Variants in FAT3 observed in about 807,000 individuals in gnomAD.
FAT3 encodes protocadherin Fat 3.
A neutral mutation model predicts 310.2 loss-of-function variants in FAT3; 95 were observed. The observed-to-expected ratio is 0.31, with a 90% CI of 0.26 to 0.36. FAT3 has a LOEUF of 0.36. Among genes scored for constraint, FAT3 ranks in the 10% least tolerant of loss-of-function variants. The probability of loss-of-function intolerance (pLI) is 1.00; values close to 1 mark genes in which losing one functional copy is unlikely to be tolerated. For missense variants in FAT3, 5,408 were observed against 5,715.6 expected (o/e 0.95, Z 1.74); for synonymous variants, 2,314 against 2,192.9 (o/e 1.06, Z -1.54).
At chr11:92,332,458 G>A (rs1049511759) in intron 1 of FAT3, among the ~76,000 whole-genome samples, 1 of 152,166 alleles carries the variant, frequency 6.6e-6, no homozygotes, top group Non-Finnish European at 1.5e-5. Context: ...AACCAAGCTT[G>A]TCTAACCTGC....
chr11:92,460,635 A>G (rs1052306314), intron 2 of FAT3, among the ~76,000 whole-genome samples: 3 of 152,222 alleles, frequency 2.0e-5, no homozygotes, highest in Non-Finnish European at 2.9e-5. Context: ...AGAGCTTGCT[A>G]CCAGCACAAA....
intron 6 of FAT3, among the ~76,000 whole-genome samples, chr11:92,766,429 C>A (rs3847525): frequency 0.3 from 45,631 of 152,054 alleles, 7,202 homozygotes; most frequent in Non-Finnish European, 0.33. Flanking sequence ...GCCTCTCCCC[C>A]CCAGGAATGG....
intron 3 of FAT3, among the ~76,000 whole-genome samples, chr11:92,622,471 TAG>T (rs756602590): frequency 6.6e-6 from 1 of 152,186 alleles, no homozygotes; most frequent in Non-Finnish European, 1.5e-5. Context: ...TACAAGCAAA[TAG>T]AGAGACAGAG....
intron 1 of FAT3, among the ~76,000 whole-genome samples, chr11:92,299,564 T>C (rs1946937928): frequency 6.6e-6 from 1 of 152,090 alleles, no homozygotes; most frequent in Admixed American, 6.6e-5. Flanking sequence ...ATGAATTGAC[T>C]GATCCGATGT....
chr11:92,740,067 G>A (rs1486924442), intron 4 of FAT3, among the ~76,000 whole-genome samples: 9 of 152,084 alleles, frequency 5.9e-5, no homozygotes, highest in East Asian at 3.9e-4. Flanking sequence ...GTATGACTCC[G>A]GCCTGAATTA....
chr11:92,319,089 CAAT>C (rs1250187435), intron 1 of FAT3, among the ~76,000 whole-genome samples: 2 of 152,068 alleles, frequency 1.3e-5, no homozygotes, highest in Non-Finnish European at 2.9e-5. Flanking sequence ...ACAACAACAA[CAAT>C]AACAAAAAGC....
At chr11:92,564,708 A>G (rs1771512175) in intron 3 of FAT3, among the ~76,000 whole-genome samples, 1 of 151,980 alleles carries the variant, frequency 6.6e-6, no homozygotes, top group Admixed American at 6.6e-5. Context: ...AGTGCAATCA[A>G]ACTAGAACTC....
At chr11:92,678,923 C>A (rs1468797169) in intron 3 of FAT3, among the ~76,000 whole-genome samples, 2 of 152,098 alleles carry the variant, frequency 1.3e-5, no homozygotes, top group Non-Finnish European at 2.9e-5. Context: ...TACATTGTAT[C>A]CATTAACTAA....
At chr11:92,718,407 G>A (rs937501501) in intron 4 of FAT3, among the ~76,000 whole-genome samples, 37 of 152,114 alleles carry the variant, frequency 2.4e-4, no homozygotes, top group African/African-American at 7.7e-4. Flanking sequence ...CTGCGCTCAA[G>A]CTGGGGTCCA....
intron 4 of FAT3, among the ~76,000 whole-genome samples, chr11:92,699,435 A>G (rs1225505196): frequency 6.6e-6 from 1 of 152,264 alleles, no homozygotes; most frequent in Non-Finnish European, 1.5e-5. Flanking sequence ...TTACAAGTAC[A>G]TGAATGTATT....
chr11:92,831,681 G>C lies in FAT3; in HGVS notation c.9541G>C (p.Asp3181His). The change falls in exon 14 of 28, where the codon GAC becomes CAC. Residue 3181 changes from aspartate (D) to histidine (H), a missense_variant. Physicochemically the swap from Asp to His is moderately conservative, Grantham distance 81 (BLOSUM62 -1). Transcript: ENST00000525166. ...CTCAGCTGGTGGGGTCTTCTCCATT[G>C]ACAGCTCATCTGGCATCATCATCCT... is the stretch of plus-strand genomic sequence containing the variant. The part of the protein sequence containing the change: ...ADSAGGVFSI[D>H]SSSGIIILEQ... 1 of 1,613,496 alleles carries C rather than the reference G, an allele frequency of 6.2e-7. No individual in the cohort carries two copies.
chr11:92,269,114 A>G (rs1946049642), intron 1 of FAT3, among the ~76,000 whole-genome samples: 1 of 152,302 alleles, frequency 6.6e-6, no homozygotes, highest in South Asian at 2.1e-4. Context: ...GAATTATTCA[A>G]TAGTTTGAAC....
intron 2 of FAT3, among the ~76,000 whole-genome samples, chr11:92,509,115 G>T (rs1018070113): frequency 6.6e-6 from 1 of 152,008 alleles, no homozygotes; most frequent in Non-Finnish European, 1.5e-5. Flanking sequence ...ATACAAAAAG[G>T]AGCAGTTTAA....
At chr11:92,705,614 T>G (rs1591630083) in intron 4 of FAT3, among the ~76,000 whole-genome samples, 1 of 4,354 alleles carries the variant, frequency 2.3e-4, no homozygotes, top group Admixed American at 3.6e-3. Flanking sequence ...GATGTGGTGG[T>G]GGTGGTGTGA....
intron 3 of FAT3, among the ~76,000 whole-genome samples, chr11:92,694,315 A>G (rs1943877102): frequency 6.6e-6 from 1 of 152,224 alleles, no homozygotes; most frequent in Non-Finnish European, 1.5e-5. Context: ...AAGGTGGTAG[A>G]AGCCAAGAGA....
intron 1 of FAT3, among the ~76,000 whole-genome samples, chr11:92,300,287 T>G (rs1376316611): frequency 6.6e-6 from 1 of 152,150 alleles, no homozygotes; most frequent in African/African-American, 2.4e-5. Context: ...TTCAATCAAA[T>G]TCATGCTCTG....
chr11:92,588,830 T>C (rs1423671756), intron 3 of FAT3, among the ~76,000 whole-genome samples: 1 of 151,684 alleles, frequency 6.6e-6, no homozygotes, highest in Non-Finnish European at 1.5e-5. Context: ...GGAAGGTGAA[T>C]TGCAGCCAAG....
chr11:92,587,226 A>G (rs1939202569), intron 3 of FAT3, among the ~76,000 whole-genome samples: 1 of 152,006 alleles, frequency 6.6e-6, no homozygotes, highest in Admixed American at 6.6e-5. Context: ...AGAAACCTCG[A>G]TCTATAGAAA....
chr11:92,750,252 G>A (rs1212510267), intron 4 of FAT3, among the ~76,000 whole-genome samples: 3 of 152,188 alleles, frequency 2.0e-5, no homozygotes, highest in East Asian at 1.9e-4. Flanking sequence ...TTCTACCTTA[G>A]AAGAGTATCA....
Sources: gnomAD v4.1 joint callset for allele counts (sites outside exome capture counted in the v4.1 genomes callset) on GRCh38, gnomAD v4.1.1 for gene constraint, MANE v1.5 for transcripts, NCBI Gene and HGNC (gene_info 2026-07-23, HGNC 2026-07-21) for gene names.